Variants in PCDH11X observed in about 807,000 individuals in gnomAD.
PCDH11X encodes protocadherin 11 X-linked, also known as protocadherin-11 X-linked.
A neutral mutation model predicts 53.3 loss-of-function variants in PCDH11X; 18 were observed. That is an observed-to-expected ratio of 0.34 (90% CI 0.23 to 0.50). The LOEUF (loss-of-function observed/expected upper bound fraction) is 0.50. Among genes scored for constraint, PCDH11X ranks in the 20% least tolerant of loss-of-function variants. The pLI is 0.98. For synonymous variants in PCDH11X, 279 were observed against 393.3 expected (o/e 0.71, Z 3.44); for missense variants, 570 against 1,032.4 (o/e 0.55, Z 6.14).
At chrX:92,159,087 T>C (rs2065591383) in intron 6 of PCDH11X, among the ~76,000 whole-genome samples, 1 of 112,219 alleles carries the variant, frequency 8.9e-6, no homozygotes, top group Non-Finnish European at 1.9e-5. Context: ...CAAATTGGCA[T>C]GCTAATAATT....
intron 1 of PCDH11X, among the ~76,000 whole-genome samples, chrX:91,788,990 G>T (rs1569379167): frequency 9.0e-6 from 1 of 110,806 alleles, no homozygotes; most frequent in Non-Finnish European, 1.9e-5. Context: ...ACGAGGTCAA[G>T]AGATCGAGGC....
intron 10 of PCDH11X, among the ~76,000 whole-genome samples, chrX:92,485,610 A>T (rs1190872563): frequency 8.9e-6 from 1 of 111,937 alleles, no homozygotes; most frequent in African/African-American, 3.2e-5. Context: ...ATGGCCAGTT[A>T]TGTTAAACTT....
At chrX:91,886,002 C>A (rs974191248) in intron 6 of PCDH11X, among the ~76,000 whole-genome samples, 3 of 111,055 alleles carry the variant, frequency 2.7e-5, no homozygotes, top group African/African-American at 9.8e-5. Flanking sequence ...CTTGATCCAT[C>A]CTTTGCTTTT....
chrX:91,905,380 G>A (rs1941117250), intron 6 of PCDH11X, among the ~76,000 whole-genome samples: 1 of 110,535 alleles, frequency 9.0e-6, no homozygotes, highest in Non-Finnish European at 1.9e-5. Flanking sequence ...TTCATGATGT[G>A]TAGTAAAGTC....
rs778929867 is a variant in PCDH11X, at chrX:92,247,175, A to C, written c.3115-15939A>C. On this transcript the variant is annotated intron_variant, in intron 7 of 10. Coordinates refer to ENST00000682573, the MANE Select transcript of PCDH11X (RefSeq NM_032968.5). ...TCTATGACTTAGAAAGCTTGCACAT[A>C]GTACCAAATAGGCTATTGCAAAATG... 5.4e-5 allele frequency among the ~76,000 whole-genome samples: 6 copies of C among 111,984 alleles called. No homozygotes were observed. In the South Asian group the frequency reaches 2.2e-3, roughly 42 times the overall value.
chrX:92,299,250 T>C (rs1409438688), intron 8 of PCDH11X, among the ~76,000 whole-genome samples: 2 of 111,662 alleles, frequency 1.8e-5, no homozygotes, highest in East Asian at 5.7e-4. Context: ...GGTGGGCTTT[T>C]GTTACATTCC....
At chrX:92,376,484 AT>A (rs1295633790) in intron 8 of PCDH11X, among the ~76,000 whole-genome samples, 6 of 112,210 alleles carry the variant, frequency 5.3e-5, no homozygotes, top group African/African-American at 1.3e-4. Flanking sequence ...AACAAAAAAA[AT>A]ATCCAGCAGC....
intron 9 of PCDH11X, among the ~76,000 whole-genome samples, chrX:92,451,112 T>C (rs2072769935): frequency 9.1e-6 from 1 of 110,111 alleles, no homozygotes; most frequent in Admixed American, 9.8e-5. Flanking sequence ...TATTTACAAA[T>C]CTAAACTTAA....
At chrX:91,931,953 A>T (rs1228834188) in intron 6 of PCDH11X, among the ~76,000 whole-genome samples, 1 of 111,189 alleles carries the variant, frequency 9.0e-6, no homozygotes, top group Non-Finnish European at 1.9e-5. Flanking sequence ...AGGATCCATT[A>T]GCTATTCATC....
chrX:92,269,515 G>A (rs1452175379), intron 8 of PCDH11X, among the ~76,000 whole-genome samples: 1 of 110,937 alleles, frequency 9.0e-6, no homozygotes, highest in African/African-American at 3.3e-5. Flanking sequence ...TTCCAGCCCT[G>A]AATTACCAGC....
At chrX:92,111,450 A>T (rs2064509777) in intron 6 of PCDH11X, among the ~76,000 whole-genome samples, 1 of 109,434 alleles carries the variant, frequency 9.1e-6, no homozygotes, top group South Asian at 3.9e-4. Context: ...CATCTTAAAT[A>T]AAAATGTAAT....
At chrX:92,125,218 T>C (rs2148185530) in intron 6 of PCDH11X, among the ~76,000 whole-genome samples, 1 of 111,778 alleles carries the variant, frequency 8.9e-6, no homozygotes, top group Admixed American at 9.6e-5. Context: ...AGTGATATTA[T>C]GTCCTTTTAG....
chrX:91,954,620 T>A (rs1023087347), intron 6 of PCDH11X, among the ~76,000 whole-genome samples: 115 of 110,531 alleles, frequency 1.0e-3, no homozygotes, highest in Admixed American at 1.4e-3. Flanking sequence ...TACCAGCATC[T>A]GTTGTTTTTT....
intron 6 of PCDH11X, among the ~76,000 whole-genome samples, chrX:92,156,686 T>C (rs1441156601): frequency 8.9e-6 from 1 of 112,179 alleles, no homozygotes; most frequent in East Asian, 2.8e-4. Flanking sequence ...TTATACCCCG[T>C]TCTTACAATT....
intron 10 of PCDH11X, among the ~76,000 whole-genome samples, chrX:92,585,649 C>T (rs1173848633): frequency 2.7e-5 from 3 of 110,842 alleles, no homozygotes; most frequent in East Asian, 2.9e-4. Context: ...GGATTACAGG[C>T]GTGAGCCACC....
intron 10 of PCDH11X, among the ~76,000 whole-genome samples, chrX:92,507,961 C>T (rs1438299434): frequency 4.6e-5 from 5 of 108,792 alleles, no homozygotes; most frequent in African/African-American, 6.7e-5. Flanking sequence ...TACAGGCGCC[C>T]GCCACCATAC....
At chrX:92,250,961 C>A (rs1379861266) in intron 7 of PCDH11X, among the ~76,000 whole-genome samples, 2 of 110,252 alleles carry the variant, frequency 1.8e-5, no homozygotes, top group Non-Finnish European at 3.8e-5. Flanking sequence ...GTAAAAAAAA[C>A]CTCTGAATTG....
At chrX:92,402,704 C>T (rs1357117104) in intron 9 of PCDH11X, among the ~76,000 whole-genome samples, 5 of 110,854 alleles carry the variant, frequency 4.5e-5, no homozygotes, top group Non-Finnish European at 9.5e-5. Context: ...CATCCATTCT[C>T]GACATAGGAA....
At chrX:92,239,627 G>A (rs1373330874) in intron 7 of PCDH11X, among the ~76,000 whole-genome samples, 1 of 111,681 alleles carries the variant, frequency 9.0e-6, no homozygotes, top group Non-Finnish European at 1.9e-5. Context: ...CAACTAAAGA[G>A]ATCGATGTGT....
Sources: allele counts gnomAD v4.1 joint callset (sites outside exome capture counted in the v4.1 genomes callset), GRCh38; gene constraint gnomAD v4.1.1; transcripts MANE v1.5; gene names NCBI Gene and HGNC (gene_info 2026-07-23, HGNC 2026-07-21).